RBFOX2: variants seen among roughly 807,000 people sequenced by gnomAD.
RBFOX2 encodes the protein RNA binding protein fox-1 homolog 2.
RBFOX2 carries 10 observed loss-of-function variants against 49.1 expected under a neutral mutation model. The ratio of observed to expected loss-of-function variants is 0.20; its 90% CI spans 0.13 to 0.35. RBFOX2 has a LOEUF of 0.35. Among genes scored for constraint, RBFOX2 ranks in the 10% least tolerant of loss-of-function variants. The pLI, the probability that RBFOX2 is intolerant of heterozygous loss-of-function variation, is 1.00. For missense variants in RBFOX2, 323 were observed against 486.9 expected (o/e 0.66, Z 3.17); for synonymous variants, 183 against 187.4 (o/e 0.98, Z 0.19).
intron 1 of RBFOX2, among the ~76,000 whole-genome samples, chr22:36,011,115 A>G (rs1390963245): frequency 6.6e-6 from 1 of 152,208 alleles, no homozygotes; most frequent in Non-Finnish European, 1.5e-5. Context: ...GTTAGATTCC[A>G]TGTGCAATGA....
At chr22:35,777,744 A>G in intron 4 of RBFOX2, 2 of 374,580 alleles carry the variant, frequency 5.3e-6, no homozygotes, top group East Asian at 8.4e-5. Context: ...TTTAAGGCTC[A>G]TAAAGCACTG....
chr22:35,837,585 T>C (rs1957914410), intron 1 of RBFOX2, among the ~76,000 whole-genome samples: 1 of 152,164 alleles, frequency 6.6e-6, no homozygotes, highest in South Asian at 2.1e-4. Context: ...GCTGGTTATT[T>C]CCTTTGATTG....
chr22:35,859,393 A>C (rs1223329426), intron 1 of RBFOX2, among the ~76,000 whole-genome samples: 2 of 152,212 alleles, frequency 1.3e-5, no homozygotes, highest in Non-Finnish European at 1.5e-5. Flanking sequence ...CAGCATACCC[A>C]AAAAAAGTCA....
intron 1 of RBFOX2, among the ~76,000 whole-genome samples, chr22:36,008,181 T>C (rs577120434): frequency 1.3e-5 from 2 of 152,182 alleles, no homozygotes; most frequent in African/African-American, 2.4e-5. Context: ...TATCAAACCA[T>C]TGTGTTATCA....
chr22:35,782,073 T>A lies in RBFOX2; in HGVS notation c.253-327A>T, dbSNP rs116903408. Among the ~76,000 whole-genome samples the A allele has an allele frequency of 4.0e-3, 606 of 152,332 alleles. 41 individuals carry two copies. In the East Asian group the frequency reaches 0.11, roughly 26 times the overall value. ...TAGGATCTGAAGATACAAAAATAGT[T>A]CCTTCATTCTTAGACTCTTAGAACT... On this transcript the variant is annotated intron_variant, in intron 2 of 11. Transcript: ENST00000405409.
At chr22:35,974,031 G>A (rs552055545) in intron 1 of RBFOX2, among the ~76,000 whole-genome samples, 1 of 152,294 alleles carries the variant, frequency 6.6e-6, no homozygotes, top group Non-Finnish European at 1.5e-5. Flanking sequence ...CTGAACTGTA[G>A]GAGGTGCCTA....
At chr22:35,810,188 G>GACACACACACACACACACACAC (rs58254412) in intron 1 of RBFOX2, among the ~76,000 whole-genome samples, 184 bp from the exon 3 acceptor site, 1 of 142,598 alleles carries the variant, frequency 7.0e-6, no homozygotes, top group Admixed American at 7.1e-5. Context: ...TATGTGGACA[G>GACACACACACACACACACACAC]ACACACACAC....
intron 1 of RBFOX2, among the ~76,000 whole-genome samples, chr22:35,816,255 TTTTTGTTTTG>T (rs1029888575): frequency 6.6e-6 from 1 of 152,068 alleles, no homozygotes; most frequent in Non-Finnish European, 1.5e-5. Context: ...ATATTCTCGT[TTTTTGTTTTG>T]TTTTGTTTTG....
intron 1 of RBFOX2, among the ~76,000 whole-genome samples, chr22:35,889,271 G>C (rs1569460042): frequency 6.6e-6 from 1 of 152,110 alleles, no homozygotes; most frequent in Non-Finnish European, 1.5e-5. Flanking sequence ...CCCGCTCGGG[G>C]CATGCAGGTT....
intron 1 of RBFOX2, among the ~76,000 whole-genome samples, chr22:35,895,150 C>T (rs908916870): frequency 1.3e-5 from 2 of 151,900 alleles, no homozygotes; most frequent in African/African-American, 4.8e-5. Context: ...GAGTGTACAG[C>T]ACACTCTCTC....
chr22:35,982,924 C>T (rs1353640128), intron 1 of RBFOX2, among the ~76,000 whole-genome samples: 1 of 152,110 alleles, frequency 6.6e-6, no homozygotes, highest in African/African-American at 2.4e-5. Flanking sequence ...ACACAAATAG[C>T]TTTTCAGGAC....
At chr22:35,760,398 C>A (rs1225033222) in intron 8 of RBFOX2, among the ~76,000 whole-genome samples, 2 of 152,190 alleles carry the variant, frequency 1.3e-5, no homozygotes, top group Non-Finnish European at 1.5e-5. Flanking sequence ...CAGATTGACA[C>A]AAACTCTTCA....
At chr22:35,796,749 C>T (rs547722094) in intron 2 of RBFOX2, among the ~76,000 whole-genome samples, 14 of 152,240 alleles carry the variant, frequency 9.2e-5, no homozygotes, top group African/African-American at 2.9e-4. Context: ...TACTGAGTTA[C>T]GGAGCTCTTT....
At chr22:35,961,235 T>C (rs1029242148) in intron 1 of RBFOX2, among the ~76,000 whole-genome samples, 2 of 152,190 alleles carry the variant, frequency 1.3e-5, no homozygotes, top group African/African-American at 2.4e-5. Flanking sequence ...GGCAACTATA[T>C]ACTAAAATAT....
chr22:35,740,581 C>T (rs1013204791), exon 12 of RBFOX2: 7 of 152,568 alleles, frequency 4.6e-5, no homozygotes, highest in Admixed American at 4.6e-4. Flanking sequence ...TGCAATTCTG[C>T]AAATGTTACT....
At chr22:35,764,683 G>T (rs945779406) in intron 6 of RBFOX2, among the ~76,000 whole-genome samples, 8 of 151,562 alleles carry the variant, frequency 5.3e-5, no homozygotes, top group African/African-American at 7.3e-5. Context: ...CTAAAGTACA[G>T]CTGAGACCTC....
chr22:35,763,687 A>G (rs754151485), intron 6 of RBFOX2, among the ~76,000 whole-genome samples: 1 of 152,198 alleles, frequency 6.6e-6, no homozygotes, highest in Non-Finnish European at 1.5e-5. Context: ...ACAAAACCCA[A>G]AGAGGAAGGT....
chr22:35,991,118 A>G (rs979546203), intron 1 of RBFOX2, among the ~76,000 whole-genome samples: 1 of 152,112 alleles, frequency 6.6e-6, no homozygotes, highest in Admixed American at 6.6e-5. Context: ...TACAAAAACA[A>G]AAAACAAAAA....
chr22:35,940,682 A>T (rs563222769), upstream of RBFOX2, among the ~76,000 whole-genome samples: 3 of 152,192 alleles, frequency 2.0e-5, no homozygotes, highest in Non-Finnish European at 4.4e-5. Context: ...CAGCAGAAAA[A>T]AACCAAAATG....
Sources: allele counts gnomAD v4.1 joint callset (sites outside exome capture counted in the v4.1 genomes callset), GRCh38; gene constraint gnomAD v4.1.1; transcripts MANE v1.5; gene names NCBI Gene and HGNC (gene_info 2026-07-23, HGNC 2026-07-21).